Variants in DENND1A observed in about 807,000 individuals in gnomAD.
DENND1A encodes DENN domain-containing protein 1A.
Under a neutral mutation model 113.7 loss-of-function variants are expected in DENND1A, and 51 were observed. The ratio of observed to expected loss-of-function variants is 0.45; its 90% confidence interval spans 0.36 to 0.57. The LOEUF is 0.57. Ranked by LOEUF, DENND1A falls within the 20% of genes least tolerant of loss-of-function variation. DENND1A has a pLI of 0.00. For missense variants in DENND1A, 1,258 were observed against 1,395.9 expected, an observed-to-expected ratio of 0.90 and a Z score of 1.57; for synonymous variants, 565 against 570.8, an observed-to-expected ratio of 0.99 and a Z score of 0.14.
chr9:123,869,439 C>T (rs1447628328), intron 2 of DENND1A, among the ~76,000 whole-genome samples: 4 of 152,168 alleles, frequency 2.6e-5, no homozygotes, highest in Non-Finnish European at 5.9e-5. Context: ...ATCATTATTA[C>T]AGCAATCTTG....
chr9:123,576,500 G>A (rs2058644941), intron 12 of DENND1A, among the ~76,000 whole-genome samples: 2 of 152,038 alleles, frequency 1.3e-5, no homozygotes, highest in South Asian at 4.1e-4. Context: ...AAAAGTCCTA[G>A]TTTTGCCTTT....
At chr9:123,665,279 TA>T (rs917293212) in intron 8 of DENND1A, among the ~76,000 whole-genome samples, 1 of 152,206 alleles carries the variant, frequency 6.6e-6, no homozygotes, top group African/African-American at 2.4e-5. Flanking sequence ...ATTAAATAAT[TA>T]TGGTAGTTAC....
rs1051230093 is a variant in DENND1A, at chr9:123,915,291, C to T, written c.17+14598G>A. Among the ~76,000 whole-genome samples, 3 of 151,984 alleles carry T rather than the reference C, an allele frequency of 2.0e-5. No individual in the cohort carries two copies. In the East Asian group the frequency reaches 5.8e-4, roughly 29 times the overall value. The stretch of plus-strand genomic sequence containing the variant: ...ATGGGCTGAAAATGTTATTTTAGCA[C>T]CCTACCCGATCTAGTGGAGTTAAAT... On this transcript the variant is annotated intron_variant, in intron 1 of 23. Coordinates refer to ENST00000394215, the MANE Select transcript of DENND1A (RefSeq NM_001352964.2).
intron 1 of DENND1A, among the ~76,000 whole-genome samples, chr9:123,884,995 G>A (rs1848817184): frequency 7.9e-6 from 1 of 126,126 alleles, no homozygotes; most frequent in Non-Finnish European, 1.6e-5. Flanking sequence ...GCGAGCGCGC[G>A]CGCACACACA....
intron 5 of DENND1A, among the ~76,000 whole-genome samples, chr9:123,741,958 T>G (rs2069062841): frequency 6.6e-6 from 1 of 152,378 alleles, no homozygotes; most frequent in East Asian, 1.9e-4. Flanking sequence ...AATTCTGATG[T>G]GTCTATTCCA....
At chr9:123,387,596 G>C in intron 22 of DENND1A, 134 bp downstream of exon 22, 1 of 1,040,670 alleles carries the variant, frequency 9.6e-7, no homozygotes, top group Non-Finnish European at 1.3e-6. Flanking sequence ...TTGGCACTGG[G>C]GCACCGGCAG....
intron 13 of DENND1A, among the ~76,000 whole-genome samples, chr9:123,535,148 T>C (rs2055640694): frequency 6.6e-6 from 1 of 152,330 alleles, no homozygotes; most frequent in African/African-American, 2.4e-5. Context: ...CCTTGACTAT[T>C]ACCTGACGTT....
chr9:123,537,291 CA>C (rs1237601317), intron 13 of DENND1A, among the ~76,000 whole-genome samples: 1 of 151,630 alleles, frequency 6.6e-6, no homozygotes, highest in East Asian at 1.9e-4. Flanking sequence ...AATATAAGAA[CA>C]AATCAACTCA....
chr9:123,740,913 A>T (rs986859369), intron 5 of DENND1A, among the ~76,000 whole-genome samples: 43 of 142,264 alleles, frequency 3.0e-4, no homozygotes, highest in African/African-American at 1.2e-3. Flanking sequence ...AGAGAGAGAG[A>T]GAGAGAGAGA....
At chr9:123,614,691 T>C (rs987548110) in intron 10 of DENND1A, among the ~76,000 whole-genome samples, 2 of 151,992 alleles carry the variant, frequency 1.3e-5, no homozygotes, top group Non-Finnish European at 2.9e-5. Context: ...ACCTCTGCTA[T>C]CATGAAGGAA....
At chr9:123,836,072 C>T (rs1327022186) in intron 2 of DENND1A, among the ~76,000 whole-genome samples, 4 of 152,118 alleles carry the variant, frequency 2.6e-5, no homozygotes, top group East Asian at 1.9e-4. Context: ...TCCTTGGTTC[C>T]GGGGACATGG....
chr9:123,477,503 G>C (rs1388272426), intron 13 of DENND1A, among the ~76,000 whole-genome samples: 2 of 151,872 alleles, frequency 1.3e-5, no homozygotes, highest in Admixed American at 1.3e-4. Context: ...GCTGCAGTGA[G>C]CTGTGATCAT....
At chr9:123,915,961 G>A (rs1295494404) in intron 1 of DENND1A, among the ~76,000 whole-genome samples, 1 of 152,086 alleles carries the variant, frequency 6.6e-6, no homozygotes, top group African/African-American at 2.4e-5. Flanking sequence ...CAATCTCTAT[G>A]GAGGAGAATT....
intron 10 of DENND1A, among the ~76,000 whole-genome samples, chr9:123,623,771 G>A (rs936353048): frequency 3.9e-5 from 6 of 152,220 alleles, no homozygotes; most frequent in African/African-American, 1.2e-4. Context: ...GAGCTTTGCT[G>A]TCATGGCCTC....
intron 13 of DENND1A, among the ~76,000 whole-genome samples, chr9:123,556,440 A>G (rs902887947): frequency 3.3e-5 from 5 of 152,244 alleles, no homozygotes; most frequent in African/African-American, 1.2e-4. Flanking sequence ...ATACTTACCA[A>G]TGTATAATTG....
intron 9 of DENND1A, among the ~76,000 whole-genome samples, chr9:123,637,178 G>C (rs901028182): frequency 8.5e-5 from 13 of 152,172 alleles, no homozygotes; most frequent in Non-Finnish European, 1.6e-4. Flanking sequence ...CAGGGTTAGA[G>C]GCATTTGGAT....
chr9:123,563,352 T>C (rs2057872895), intron 12 of DENND1A, among the ~76,000 whole-genome samples: 1 of 152,184 alleles, frequency 6.6e-6, no homozygotes, highest in South Asian at 2.1e-4. Flanking sequence ...CATCTACTCC[T>C]CTGTCCCCAC....
chr9:123,452,214 A>C, intron 17 of DENND1A, 62 bp downstream of exon 17: 2 of 1,441,134 alleles, frequency 1.4e-6, no homozygotes, highest in Non-Finnish European at 9.8e-7. Flanking sequence ...AAATAAATAA[A>C]GAGTCTCATC....
Position 123,764,950 on chromosome 9 carries a change from G to C in DENND1A, c.182+4564C>G, listed in dbSNP as rs1487253863. The stretch of plus-strand genomic sequence containing the variant: ...TAGAAAATAATCATGGGGCACAGCT[G>C]AACCTATATTGTATGCTAAACCAAG... On this transcript the variant is annotated intron_variant, in intron 4 of 23. Transcript: ENST00000394215. This position sits in a 1 kb window ranked among gnomAD's most constrained non-coding sequence, Gnocchi z 4.1. Among the ~76,000 whole-genome samples, 1 of 152,126 alleles carries C rather than the reference G, an allele frequency of 6.6e-6. No individual in the cohort carries two copies. The highest frequency in any genetic ancestry group is 2.4e-5 in the African/African-American group (1 of 41,418).
Sources: allele counts gnomAD v4.1 joint callset (sites outside exome capture counted in the v4.1 genomes callset), GRCh38; gene constraint gnomAD v4.1.1; non-coding constraint Gnocchi (gnomAD v3.1); transcripts MANE v1.5; gene names NCBI Gene and HGNC (gene_info 2026-07-23, HGNC 2026-07-21).